GAB1: variants seen among roughly 807,000 people sequenced by gnomAD.
GAB1 encodes the protein GRB2-associated-binding protein 1.
In GAB1, 19 loss-of-function variants were observed where a neutral mutation model predicts 66.5. The ratio of observed to expected loss-of-function variants is 0.29; its 90% CI spans 0.20 to 0.42. The LOEUF is 0.42. GAB1 is among the 10% of genes least tolerant of loss of function. The pLI, the probability that GAB1 is intolerant of heterozygous loss-of-function variation, is 1.00. For missense variants in GAB1, 732 were observed against 858.5 expected (o/e 0.85, Z 1.84); for synonymous variants, 294 against 301.4 (o/e 0.98, Z 0.25).
intron 1 of GAB1, among the ~76,000 whole-genome samples, chr4:143,347,078 T>C (rs541083254): frequency 2.6e-5 from 4 of 152,374 alleles, no homozygotes; most frequent in Admixed American, 6.5e-5. Context: ...AAAAGGTATA[T>C]ACACAGGAAT....
At chr4:143,385,516 A>G (rs562316786) in intron 1 of GAB1, among the ~76,000 whole-genome samples, 33 of 152,320 alleles carry the variant, frequency 2.2e-4, no homozygotes, top group Non-Finnish European at 3.8e-4. Flanking sequence ...CAGGACTAGC[A>G]TGGTACTTCA....
At chr4:143,382,404 G>C (rs1412001088) in intron 1 of GAB1, among the ~76,000 whole-genome samples, 3 of 152,120 alleles carry the variant, frequency 2.0e-5, no homozygotes, top group Non-Finnish European at 4.4e-5. Flanking sequence ...AAGTGAAAGT[G>C]TGTTTCCCTC....
chr4:143,446,124 CA>C (rs1163189801), intron 6 of GAB1, among the ~76,000 whole-genome samples: 2 of 151,968 alleles, frequency 1.3e-5, no homozygotes, highest in African/African-American at 4.8e-5. Context: ...GACATGAACT[CA>C]TCATTTTTTA....
At chr4:143,372,338 A>T (rs1374497671) in intron 1 of GAB1, among the ~76,000 whole-genome samples, 1 of 152,118 alleles carries the variant, frequency 6.6e-6, no homozygotes, top group Non-Finnish European at 1.5e-5. Context: ...ACAGGCATTC[A>T]CTTATTCAAC....
intron 1 of GAB1, among the ~76,000 whole-genome samples, chr4:143,410,430 T>G (rs1732319757): frequency 6.6e-6 from 1 of 152,266 alleles, no homozygotes; most frequent in Admixed American, 6.5e-5. Flanking sequence ...CAGCCATTAA[T>G]GGCTTGGGGT....
chr4:143,432,099 G>C (rs533833567), intron 2 of GAB1, among the ~76,000 whole-genome samples: 1 of 152,140 alleles, frequency 6.6e-6, no homozygotes, highest in Admixed American at 6.6e-5. Flanking sequence ...TTCTTCTACC[G>C]GGAGAGAGAC....
At chr4:143,425,659 A>T in intron 2 of GAB1, 1 of 760,902 alleles carries the variant, frequency 1.3e-6, no homozygotes, top group Non-Finnish European at 2.4e-6. Flanking sequence ...TTCTACAGAG[A>T]TCCTGAAGTG....
intron 2 of GAB1, among the ~76,000 whole-genome samples, chr4:143,428,981 G>T (rs936508346): frequency 1.3e-5 from 2 of 151,988 alleles, no homozygotes; most frequent in African/African-American, 2.4e-5. Context: ...ATGTACCCTA[G>T]AACTTAAAGT....
intron 1 of GAB1, among the ~76,000 whole-genome samples, chr4:143,369,949 A>G (rs1730046936): frequency 6.6e-6 from 1 of 152,232 alleles, no homozygotes; most frequent in Admixed American, 6.5e-5. Context: ...TTGGCTGAAT[A>G]TAAAGGAGAT....
At chr4:143,451,978 G>C (rs1311480413) in intron 6 of GAB1, among the ~76,000 whole-genome samples, 1 of 152,072 alleles carries the variant, frequency 6.6e-6, no homozygotes, top group Non-Finnish European at 1.5e-5. Flanking sequence ...CATTTTAAAA[G>C]AGCACCCCGC....
chr4:143,420,459 A>G (rs1045246589), intron 2 of GAB1, among the ~76,000 whole-genome samples: 1 of 152,102 alleles, frequency 6.6e-6, no homozygotes, highest in Non-Finnish European at 1.5e-5. Context: ...GACCACTGCT[A>G]TTATTGAATA....
chr4:143,459,310 G>A, intron 6 of GAB1, 75 bp from the exon 7 acceptor site: 2 of 862,184 alleles, frequency 2.3e-6, no homozygotes, highest in Admixed American at 1.9e-5. Context: ...TATAAATAGA[G>A]TTACAGAGAG....
chr4:143,453,881 G>T (rs1368339745), intron 6 of GAB1, among the ~76,000 whole-genome samples: 1 of 152,086 alleles, frequency 6.6e-6, no homozygotes, highest in Non-Finnish European at 1.5e-5. Flanking sequence ...CTTTTAAATT[G>T]TACCTTCCTT....
intron 6 of GAB1, among the ~76,000 whole-genome samples, chr4:143,448,715 A>G (rs1326074706): frequency 6.6e-6 from 1 of 151,292 alleles, no homozygotes; most frequent in African/African-American, 2.4e-5. Flanking sequence ...CAGTCTATCA[A>G]TTTTGTTGAT....
intron 1 of GAB1, among the ~76,000 whole-genome samples, chr4:143,338,369 T>C (rs975360413): frequency 2.0e-5 from 3 of 152,044 alleles, no homozygotes; most frequent in Non-Finnish European, 4.4e-5. Context: ...CGTTTGTCGT[T>C]GAGGAATATC....
intron 2 of GAB1, among the ~76,000 whole-genome samples, chr4:143,433,039 G>C (rs1035409487): frequency 6.6e-6 from 1 of 152,136 alleles, no homozygotes; most frequent in Non-Finnish European, 1.5e-5. Context: ...AACGATCATC[G>C]AAATAAACAG....
chr4:143,440,093 G>A lies in GAB1; in HGVS notation c.1296G>A (p.Val432=). The A allele has an allele frequency of 1.9e-6, 3 of 1,613,358 alleles. No individual in the cohort carries two copies. The highest frequency in any genetic ancestry group is 2.5e-6 in the Non-Finnish European group (3 of 1,179,544). ...GFHNHFKVKN[V]LTVGSVSSEE... is the part of the protein sequence containing the mutation. ...ATGTGTTTTAGAAAGTCAAAAATGT[G>A]TTGACAGTGGGAAGTGTTTCAAGTG... is the stretch of plus-strand genomic sequence containing the variant. Residue 432 remains valine (V), a synonymous_variant, in exon 6 of 10, where the codon GTG becomes GTA. Coordinates refer to ENST00000262994, the MANE Select transcript of GAB1 (RefSeq NM_002039.4).
chr4:143,393,994 C>G (rs545060314), intron 1 of GAB1, among the ~76,000 whole-genome samples: 1 of 152,104 alleles, frequency 6.6e-6, no homozygotes, highest in Admixed American at 6.6e-5. Context: ...TAGTCAGCAG[C>G]TGGGCGCTGT....
chr4:143,432,104 A>G (rs1226707572), intron 2 of GAB1, among the ~76,000 whole-genome samples: 3 of 152,268 alleles, frequency 2.0e-5, no homozygotes, highest in African/African-American at 7.2e-5. Context: ...CTACCGGGAG[A>G]GAGACATGGT....
Sources: gnomAD v4.1 joint callset for allele counts (sites outside exome capture counted in the v4.1 genomes callset) on GRCh38, gnomAD v4.1.1 for gene constraint, MANE v1.5 for transcripts, NCBI Gene and HGNC (gene_info 2026-07-23, HGNC 2026-07-21) for gene names.